Variants in PCDH11X observed in about 807,000 individuals in gnomAD.
PCDH11X encodes protocadherin 11 X-linked.
A neutral mutation model predicts 53.3 loss-of-function variants in PCDH11X; 18 were observed. That is an observed-to-expected ratio of 0.34 (90% confidence interval 0.23 to 0.50). The LOEUF (loss-of-function observed/expected upper bound fraction) is 0.50, where lower values mean the gene tolerates loss of function less well. PCDH11X is among the 20% of genes least tolerant of loss of function. The pLI is 0.98. For missense variants in PCDH11X, 570 were observed against 1,032.4 expected (o/e 0.55, Z 6.14); for synonymous variants, 279 against 393.3 (o/e 0.71, Z 3.44).
In PCDH11X at chrX:92,102,594, G is replaced by A. The variant is rs756057127; in HGVS notation, c.3034-98781G>A. On this transcript the variant is annotated intron_variant, in intron 6 of 10. Transcript: ENST00000682573. The stretch of plus-strand genomic sequence containing the variant: ...AATTTGGGCTTGACTGAAGTAATGG[G>A]GGCTGTCTGTGAAGCCTTGTGGCAG... Among the ~76,000 whole-genome samples, 34 of 111,929 alleles carry A rather than the reference G, an allele frequency of 3.0e-4. No homozygotes were observed. The South Asian group carries it at 0.013, about 42-fold the overall frequency.
chrX:92,316,762 C>G (rs1055486490), intron 8 of PCDH11X, among the ~76,000 whole-genome samples: 2 of 111,135 alleles, frequency 1.8e-5, no homozygotes, highest in Non-Finnish European at 3.8e-5. Flanking sequence ...AGTGAATTTA[C>G]TTTGTATTTC....
chrX:92,049,065 A>G (rs1223692906), intron 6 of PCDH11X, among the ~76,000 whole-genome samples: 1 of 110,905 alleles, frequency 9.0e-6, no homozygotes, highest in Non-Finnish European at 1.9e-5. Context: ...ACCACGTTTT[A>G]CAGTGCAGAG....
chrX:91,944,456 A>G (rs1451120276), intron 6 of PCDH11X, among the ~76,000 whole-genome samples: 1 of 104,569 alleles, frequency 9.6e-6, no homozygotes, highest in Non-Finnish European at 2.0e-5. Flanking sequence ...TATAGAAATC[A>G]TGTTTTAAAA....
chrX:92,357,776 T>A (rs1188174328), intron 8 of PCDH11X, among the ~76,000 whole-genome samples: 2 of 112,070 alleles, frequency 1.8e-5, no homozygotes, highest in Non-Finnish European at 3.8e-5. Flanking sequence ...TGTATCGATC[T>A]CATTAAGTAT....
chrX:91,905,550 T>C (rs1237948706), intron 6 of PCDH11X, among the ~76,000 whole-genome samples: 1 of 111,749 alleles, frequency 8.9e-6, no homozygotes, highest in African/African-American at 3.2e-5. Flanking sequence ...ATATAATAAT[T>C]GCTTTTTGTA....
chrX:92,469,367 A>C (rs1279370820), intron 10 of PCDH11X, among the ~76,000 whole-genome samples: 1 of 111,297 alleles, frequency 9.0e-6, no homozygotes, highest in Non-Finnish European at 1.9e-5. Context: ...TCTAATGTCC[A>C]TGATACATTT....
chrX:92,316,837 A>C (rs1416776332), intron 8 of PCDH11X, among the ~76,000 whole-genome samples: 3 of 110,275 alleles, frequency 2.7e-5, no homozygotes, highest in Non-Finnish European at 5.7e-5. Flanking sequence ...GCTAAAAACC[A>C]AGCAACTTCC....
intron 8 of PCDH11X, among the ~76,000 whole-genome samples, chrX:92,383,551 C>A (rs1256422104): frequency 1.8e-5 from 2 of 110,574 alleles, no homozygotes; most frequent in Non-Finnish European, 3.8e-5. Flanking sequence ...GTTCAACTCC[C>A]ACTTAAGAGT....
Position 91,791,265 on chromosome X carries a change from G to A in PCDH11X, c.-379+11581G>A, listed in dbSNP as rs769266601. On this transcript the variant is annotated intron_variant, in intron 1 of 10. Transcript: ENST00000682573. Reference sequence around the variant, plus strand: ...CTTGCATTGCTATAAAGAACTACCTGAGACTGGGTAATTTATAAAGAAAAA... The same window carrying A: ...CTTGCATTGCTATAAAGAACTACCTAAGACTGGGTAATTTATAAAGAAAAA... Among the ~76,000 whole-genome samples, 4 of 110,046 alleles carry A rather than the reference G, an allele frequency of 3.6e-5. No homozygotes were observed. The East Asian group carries it at 1.1e-3, about 31-fold the overall frequency.
chrX:92,381,232 T>A (rs1569477829), intron 8 of PCDH11X, among the ~76,000 whole-genome samples: 1 of 109,102 alleles, frequency 9.2e-6, no homozygotes, highest in East Asian at 2.8e-4. Flanking sequence ...AGAACTTCAA[T>A]GTTTTTTAAA....
chrX:92,141,817 C>T (rs2065184611), intron 6 of PCDH11X, among the ~76,000 whole-genome samples: 1 of 111,221 alleles, frequency 9.0e-6, no homozygotes, highest in South Asian at 3.7e-4. Context: ...AGTTAATTCC[C>T]AACAATAACT....
chrX:91,882,838 T>C (rs1305590422), intron 6 of PCDH11X: 34 of 1,165,140 alleles, frequency 2.9e-5, no homozygotes, highest in Middle Eastern at 4.8e-4. Context: ...CCATGAAGCA[T>C]GCTTGGCAAA....
chrX:92,499,801 C>T lies in PCDH11X; in HGVS notation c.3367+31479C>T, dbSNP rs147538545. Among the ~76,000 whole-genome samples, 943 of 107,358 alleles carry T rather than the reference C, an allele frequency of 8.8e-3. 8 individuals carry two copies. The highest frequency in any genetic ancestry group is 0.031 in the African/African-American group (907 of 29,423). The allele number at this position is 107,358 out of a possible 115,157, so 93.2% of individuals were successfully genotyped here. A position where few individuals can be genotyped will look rare whatever the true frequency, so the allele number is the denominator to read the frequency against. On this transcript the variant is annotated intron_variant, in intron 10 of 10. Coordinates refer to ENST00000682573, the MANE Select transcript of PCDH11X (RefSeq NM_032968.5). ...GAGCCATGATTATGCCAGTGCACTC[C>T]AGCCTGGGTGACTTAAAGAGACCAT...
intron 10 of PCDH11X, among the ~76,000 whole-genome samples, chrX:92,523,714 T>C: frequency 8.9e-6 from 1 of 111,833 alleles, no homozygotes; most frequent in South Asian, 3.7e-4. Flanking sequence ...TTTTAAAGAC[T>C]TCCAGAGATA....
chrX:91,993,908 C>T (rs1268091479), intron 6 of PCDH11X, among the ~76,000 whole-genome samples: 4 of 98,129 alleles, frequency 4.1e-5, no homozygotes, highest in Non-Finnish European at 8.2e-5. Context: ...TGCTGCTGTG[C>T]TTGTTCCATG....
In PCDH11X at chrX:92,175,785, T is replaced by TACACACAC. The variant is rs750843204; in HGVS notation, c.3034-25578_3034-25571dup. The stretch of plus-strand genomic sequence containing the variant: ...GTGTGTGTGTGTGTGTGTATATATA[T>TACACACAC]ACACACACACACACACACAGAGAGA... On this transcript the variant is annotated intron_variant, in intron 6 of 10. Transcript: ENST00000682573. 9.3e-3 allele frequency among the ~76,000 whole-genome samples: 780 copies of TACACACAC among 83,812 alleles called. 11 individuals carry two copies. The highest frequency in any genetic ancestry group is 0.03 in the African/African-American group (703 of 23,249). The allele number at this position is 83,812 out of a possible 115,157, so 72.8% of individuals were successfully genotyped here.
chrX:92,607,021 C>T (rs1926897886), intron 10 of PCDH11X, among the ~76,000 whole-genome samples: 2 of 111,205 alleles, frequency 1.8e-5, no homozygotes, highest in Non-Finnish European at 3.8e-5. Flanking sequence ...CAAATAATAA[C>T]GAATGTTGGT....
intron 6 of PCDH11X, among the ~76,000 whole-genome samples, chrX:91,943,290 A>G (rs1157319386): frequency 2.8e-5 from 3 of 107,679 alleles, no homozygotes; most frequent in Non-Finnish European, 5.8e-5. Flanking sequence ...GTGTAGGTTC[A>G]TCAATTGTAA....
chrX:92,570,394 T>A (rs1410653803), intron 10 of PCDH11X, among the ~76,000 whole-genome samples: 4 of 112,075 alleles, frequency 3.6e-5, no homozygotes, highest in African/African-American at 1.3e-4. Context: ...ATAAATTACT[T>A]GATCATGTTA....
Sources: allele counts gnomAD v4.1 joint callset (sites outside exome capture counted in the v4.1 genomes callset), GRCh38; gene constraint gnomAD v4.1.1; transcripts MANE v1.5; gene names NCBI Gene and HGNC (gene_info 2026-07-23, HGNC 2026-07-21).